The following HHAT variants were observed in gnomAD, a reference collection of about 807,000 sequenced individuals.
The protein encoded by HHAT is protein-cysteine N-palmitoyltransferase HHAT.
In HHAT, 47 loss-of-function variants were observed where a neutral mutation model predicts 70.8. That is an observed-to-expected ratio of 0.66 (90% confidence interval 0.53 to 0.85). HHAT has a LOEUF of 0.85. Ranked by LOEUF, HHAT falls within the 40% of genes least tolerant of loss-of-function variation. The pLI is 0.00. For synonymous variants in HHAT, 228 were observed against 247.6 expected, an observed-to-expected ratio of 0.92 and a Z score of 0.74; for missense variants, 609 against 604.8, an observed-to-expected ratio of 1.01 and a Z score of -0.07.
intron 8 of HHAT, among the ~76,000 whole-genome samples, chr1:210,504,902 C>CTTTTTTTTT (rs71571952): frequency 1.6e-5 from 2 of 124,536 alleles, no homozygotes; most frequent in Non-Finnish European, 3.2e-5. Context: ...GCTTTTTATT[C>CTTTTTTTTT]TTTTTTTTTT....
intron 1 of HHAT, among the ~76,000 whole-genome samples, chr1:210,341,656 A>G (rs1210907371): frequency 6.6e-6 from 1 of 152,198 alleles, no homozygotes; most frequent in African/African-American, 2.4e-5. Flanking sequence ...GGCATCTTTG[A>G]AAGCAGGTGG....
chr1:210,508,031 C>G (rs1296668025), intron 8 of HHAT, among the ~76,000 whole-genome samples: 1 of 149,472 alleles, frequency 6.7e-6, no homozygotes, highest in African/African-American at 2.4e-5. Flanking sequence ...AACCCCATCT[C>G]TACTAAAAAT....
intron 1 of HHAT, among the ~76,000 whole-genome samples, chr1:210,334,177 C>CTTTTTTTTTTTTTTTT (rs1342123521): frequency 4.9e-4 from 17 of 34,548 alleles, no homozygotes; most frequent in African/African-American, 1.8e-3. Flanking sequence ...TTTAGCGTGT[C>CTTTTTTTTTTTTTTTT]ATTTTTTTTT....
intron 8 of HHAT, among the ~76,000 whole-genome samples, chr1:210,505,190 T>A (rs1366654525): frequency 6.6e-6 from 1 of 152,170 alleles, no homozygotes; most frequent in Non-Finnish European, 1.5e-5. Context: ...TGAACCACCA[T>A]GCCTGGCCCA....
chr1:210,565,915 C>T (rs1654614144), intron 9 of HHAT, among the ~76,000 whole-genome samples: 1 of 152,112 alleles, frequency 6.6e-6, no homozygotes, highest in Admixed American at 6.5e-5. Flanking sequence ...GCTCAGGGGT[C>T]TCTGGGCAAG....
At chr1:210,612,521 T>C (rs1666808399) in intron 10 of HHAT, among the ~76,000 whole-genome samples, 1 of 152,232 alleles carries the variant, frequency 6.6e-6, no homozygotes, top group Non-Finnish European at 1.5e-5. Flanking sequence ...ATTTTATGTA[T>C]ATATTACTCT....
intron 7 of HHAT, among the ~76,000 whole-genome samples, chr1:210,421,205 G>A (rs2092892348): frequency 6.6e-6 from 1 of 151,732 alleles, no homozygotes; most frequent in Non-Finnish European, 1.5e-5. Context: ...GAACAAAGCT[G>A]GAGTCAGAAC....
chr1:210,569,151 A>T (rs1222840303), intron 9 of HHAT, among the ~76,000 whole-genome samples: 1 of 152,066 alleles, frequency 6.6e-6, no homozygotes, highest in Admixed American at 6.5e-5. Flanking sequence ...AAGCGGGCAG[A>T]TCACCTGAGG....
chr1:210,654,385 A>T (rs1244582579), intron 11 of HHAT, among the ~76,000 whole-genome samples: 1 of 152,112 alleles, frequency 6.6e-6, no homozygotes, highest in Non-Finnish European at 1.5e-5. Context: ...CCCTCCCTCC[A>T]CTAAACTGTA....
At chr1:210,528,534 A>G (rs74158903) in intron 9 of HHAT, among the ~76,000 whole-genome samples, 3,242 of 152,272 alleles carry the variant, frequency 0.021, 105 homozygotes, top group African/African-American at 0.073. Context: ...TATGTATACA[A>G]ATGTATCCTA....
chr1:210,387,380 C>A (rs1481059246), intron 3 of HHAT, 88 bp from the exon 4 acceptor site: 2 of 1,079,840 alleles, frequency 1.9e-6, no homozygotes, highest in East Asian at 2.4e-5. Context: ...CTCACACTGG[C>A]CTTCTTTCCA....
intron 10 of HHAT, among the ~76,000 whole-genome samples, chr1:210,614,231 A>G (rs575776796): frequency 2.0e-5 from 3 of 152,124 alleles, no homozygotes; most frequent in African/African-American, 7.2e-5. Context: ...TTGTTAGTAC[A>G]TAGAGATACA....
chr1:210,535,679 A>G (rs775159728), intron 9 of HHAT, among the ~76,000 whole-genome samples: 18 of 152,178 alleles, frequency 1.2e-4, no homozygotes, highest in Non-Finnish European at 2.2e-4. Flanking sequence ...GTGTGTGTGC[A>G]TGCGTGCATG....
chr1:210,638,494 A>G (rs1672344393), intron 11 of HHAT, among the ~76,000 whole-genome samples: 1 of 152,194 alleles, frequency 6.6e-6, no homozygotes, highest in South Asian at 2.1e-4. Flanking sequence ...CACAAATAGA[A>G]TAGTAGTTGT....
intron 2 of HHAT, among the ~76,000 whole-genome samples, chr1:210,349,586 G>T (rs1424972791): frequency 2.6e-5 from 4 of 151,596 alleles, no homozygotes; most frequent in African/African-American, 9.7e-5. Context: ...CCAGCACTGA[G>T]TCCCACGGGC....
upstream of HHAT, among the ~76,000 whole-genome samples, chr1:210,327,596 C>G (rs1370586181): frequency 6.6e-6 from 1 of 152,118 alleles, no homozygotes; most frequent in African/African-American, 2.4e-5. Context: ...ACCTCTGCCG[C>G]CCGGGTTCAA....
At chr1:210,583,096 T>C (rs1017622970) in intron 9 of HHAT, among the ~76,000 whole-genome samples, 2 of 152,142 alleles carry the variant, frequency 1.3e-5, no homozygotes, top group African/African-American at 2.4e-5. Flanking sequence ...ATAGGCCTAG[T>C]TATTTCCTTG....
At chr1:210,524,739 A>G (rs1018348615) in intron 9 of HHAT, among the ~76,000 whole-genome samples, 2 of 152,110 alleles carry the variant, frequency 1.3e-5, no homozygotes, top group African/African-American at 4.8e-5. Context: ...CTCAACCATG[A>G]CTGTGCTTCT....
intron 2 of HHAT, among the ~76,000 whole-genome samples, chr1:210,359,385 C>T (rs2087998723): frequency 6.6e-6 from 1 of 152,174 alleles, no homozygotes; most frequent in Admixed American, 6.5e-5. Flanking sequence ...TCTAAACCAT[C>T]CCAATTGCTC....
Sources: gnomAD v4.1 joint callset for allele counts (sites outside exome capture counted in the v4.1 genomes callset) on GRCh38, gnomAD v4.1.1 for gene constraint, MANE v1.5 for transcripts, NCBI Gene and HGNC (gene_info 2026-07-23, HGNC 2026-07-21) for gene names.